NRG3: variants seen among roughly 807,000 people sequenced by gnomAD.
The protein encoded by NRG3 is pro-neuregulin-3, membrane-bound isoform.
In NRG3, 31 loss-of-function variants were observed where a neutral mutation model predicts 66.9. The ratio of observed to expected loss-of-function variants is 0.46; its 90% CI spans 0.35 to 0.63. The LOEUF is 0.63. Among genes scored for constraint, NRG3 ranks in the 20% least tolerant of loss-of-function variants. The pLI is 0.00. For synonymous variants in NRG3, 393 were observed against 359.4 expected (o/e 1.09, Z -1.06); for missense variants, 910 against 878.9 (o/e 1.04, Z -0.45).
At position 82,786,256 on chromosome 10, in the gene NRG3, G is replaced by A. The variant is rs1728656551; in HGVS notation, c.1027+47606G>A. 1.3e-5 allele frequency among the ~76,000 whole-genome samples: 2 copies of A among 152,170 alleles called. 1 individual carries two copies. Among genetic ancestry groups the A allele is most frequent in the South Asian group, 4.1e-4 (2 of 4,828 alleles). ...TCTAACCCATTAGTGCTGCTGGGTG[G>A]ACTGAGCCAAACAAAACCCTAGGGA... On this transcript the variant is annotated intron_variant, in intron 3 of 8. Coordinates refer to ENST00000372141, the MANE Select transcript of NRG3 (RefSeq NM_001010848.4).
chr10:82,606,395 C>T (rs2047963946), intron 2 of NRG3, among the ~76,000 whole-genome samples: 1 of 152,184 alleles, frequency 6.6e-6, no homozygotes, highest in African/African-American at 2.4e-5. Context: ...CACATGATTT[C>T]TGTTCTTTTA....
At chr10:82,489,036 G>A (rs1343170684) in intron 2 of NRG3, among the ~76,000 whole-genome samples, 2 of 152,072 alleles carry the variant, frequency 1.3e-5, no homozygotes, top group Non-Finnish European at 2.9e-5. Context: ...TCTGCTAGGA[G>A]CTTTTGTTTA....
intron 1 of NRG3, among the ~76,000 whole-genome samples, chr10:81,894,256 GC>G (rs1235801860): frequency 6.6e-6 from 1 of 152,102 alleles, no homozygotes; most frequent in Non-Finnish European, 1.5e-5. Flanking sequence ...CAGGAGAATC[GC>G]TTGAACCCAG....
At chr10:82,800,453 A>G (rs2060989280) in intron 3 of NRG3, among the ~76,000 whole-genome samples, 1 of 152,028 alleles carries the variant, frequency 6.6e-6, no homozygotes, top group Non-Finnish European at 1.5e-5. Flanking sequence ...CATCCCAATC[A>G]TTAGCACCAT....
rs1222275525 is a variant in NRG3, at chr10:82,103,513, C to T, written c.823+227350C>T. 2.0e-5 allele frequency among the ~76,000 whole-genome samples: 3 copies of T among 152,102 alleles called. No individual in the cohort carries two copies. In the East Asian group the frequency reaches 5.8e-4, roughly 29 times the overall value. ...AAAACCTTTGTTACTCTATATTTGA[C>T]TGTCCTAAAAATACATCACTCTTCT... On this transcript the variant is annotated intron_variant, in intron 1 of 8. Transcript: ENST00000372141.
chr10:82,047,876 T>G (rs1325201194), intron 1 of NRG3, among the ~76,000 whole-genome samples: 1 of 152,020 alleles, frequency 6.6e-6, no homozygotes, highest in East Asian at 1.9e-4. Flanking sequence ...GAGACGCACA[T>G]AGGCTCAAAA....
intron 5 of NRG3, among the ~76,000 whole-genome samples, chr10:82,956,076 A>C (rs943279226): frequency 1.3e-5 from 2 of 151,870 alleles, no homozygotes; most frequent in Non-Finnish European, 2.9e-5. Context: ...GCTCTCCTTA[A>C]CAAAAGTCCT....
At chr10:82,916,035 A>G (rs565147182) in intron 4 of NRG3, among the ~76,000 whole-genome samples, 102 of 152,320 alleles carry the variant, frequency 6.7e-4, no homozygotes, top group Admixed American at 1.4e-3. Flanking sequence ...AGGCAAAAAA[A>G]TCCAAAAAAT....
intron 2 of NRG3, among the ~76,000 whole-genome samples, chr10:82,642,448 A>C (rs1454239137): frequency 1.3e-5 from 2 of 152,124 alleles, no homozygotes; most frequent in African/African-American, 4.8e-5. Context: ...GAAATAATGC[A>C]CACCACTCAT....
chr10:82,511,310 C>T (rs184676426), intron 2 of NRG3, among the ~76,000 whole-genome samples: 86 of 152,242 alleles, frequency 5.6e-4, no homozygotes, highest in Non-Finnish European at 8.5e-4. Flanking sequence ...GTGCTGTGTC[C>T]CCAATTTGTG....
intron 1 of NRG3, among the ~76,000 whole-genome samples, chr10:82,202,554 ATT>A (rs2074894573): frequency 3.3e-5 from 5 of 152,152 alleles, no homozygotes; most frequent in Admixed American, 3.3e-4. Context: ...ATTATTTTCT[ATT>A]TTACAAATTA....
intron 1 of NRG3, among the ~76,000 whole-genome samples, chr10:82,024,736 G>A (rs960592940): frequency 4.6e-5 from 7 of 151,958 alleles, no homozygotes; most frequent in Non-Finnish European, 5.9e-5. Flanking sequence ...GAAAAAATGC[G>A]GAAAAGATTG....
chr10:82,076,605 A>G (rs889276053), intron 1 of NRG3, among the ~76,000 whole-genome samples: 1 of 152,156 alleles, frequency 6.6e-6, no homozygotes, highest in East Asian at 1.9e-4. Context: ...TGCCATACCC[A>G]TGGTATGAGT....
chr10:82,651,511 G>C (rs530910494), intron 2 of NRG3, among the ~76,000 whole-genome samples: 17 of 152,290 alleles, frequency 1.1e-4, no homozygotes, highest in African/African-American at 3.4e-4. Flanking sequence ...ATGTCATAAG[G>C]ACACTCAAGC....
chr10:82,284,567 A>G (rs1330586547), intron 1 of NRG3, among the ~76,000 whole-genome samples: 1 of 152,220 alleles, frequency 6.6e-6, no homozygotes, highest in Non-Finnish European at 1.5e-5. Flanking sequence ...GGAAAGGTCA[A>G]CTTTTCCACC....
chr10:82,089,606 A>C (rs1473840580), intron 1 of NRG3, among the ~76,000 whole-genome samples: 1 of 152,092 alleles, frequency 6.6e-6, no homozygotes, highest in African/African-American at 2.4e-5. Context: ...GCAACTCTCA[A>C]TCCAGTGACC....
chr10:82,255,079 A>G (rs139195365), intron 1 of NRG3, among the ~76,000 whole-genome samples: 304 of 152,348 alleles, frequency 2.0e-3, no homozygotes, highest in African/African-American at 7.0e-3. Context: ...ACTCACAATC[A>G]TAAGTGATGC....
At chr10:82,109,712 TAA>T (rs1268628056) in intron 1 of NRG3, among the ~76,000 whole-genome samples, 1 of 152,124 alleles carries the variant, frequency 6.6e-6, no homozygotes, top group African/African-American at 2.4e-5. Flanking sequence ...ATAATAATAT[TAA>T]GTGACCATTT....
intron 2 of NRG3, among the ~76,000 whole-genome samples, chr10:82,473,229 G>A (rs528080872): frequency 9.2e-5 from 14 of 152,292 alleles, no homozygotes; most frequent in South Asian, 2.1e-4. Context: ...TCAGAACCAC[G>A]CACTGAGCTG....
Sources: allele counts gnomAD v4.1 joint callset (sites outside exome capture counted in the v4.1 genomes callset), GRCh38; gene constraint gnomAD v4.1.1; transcripts MANE v1.5; gene names NCBI Gene and HGNC (gene_info 2026-07-23, HGNC 2026-07-21).